Variants in ROBO1 observed in about 807,000 individuals in gnomAD.
The protein encoded by ROBO1 is roundabout guidance receptor 1.
Under a neutral mutation model 195.9 loss-of-function variants are expected in ROBO1, and 149 were observed. The ratio of observed to expected loss-of-function variants is 0.76; its 90% CI spans 0.67 to 0.87. ROBO1 has a LOEUF of 0.87. Ranked by LOEUF, ROBO1 falls within the 40% of genes least tolerant of loss-of-function variation. The pLI, the probability that ROBO1 is intolerant of heterozygous loss-of-function variation, is 0.00. For missense variants in ROBO1, 1,933 were observed against 2,068.3 expected (o/e 0.93, Z 1.27); for synonymous variants, 816 against 733.2 (o/e 1.11, Z -1.82).
intron 2 of ROBO1, among the ~76,000 whole-genome samples, chr3:79,254,377 G>C (rs1379088330): frequency 2.0e-5 from 3 of 151,480 alleles, no homozygotes; most frequent in Non-Finnish European, 4.4e-5. Flanking sequence ...TTAGTGTTTT[G>C]GGTACTTCTC....
chr3:79,064,261 A>T (rs1015867627), intron 3 of ROBO1, among the ~76,000 whole-genome samples: 1 of 151,952 alleles, frequency 6.6e-6, no homozygotes, highest in South Asian at 2.1e-4. Flanking sequence ...TCTGAAAAAA[A>T]TAGCAACTTT....
At chr3:79,560,230 G>T (rs1942860732) in intron 2 of ROBO1, among the ~76,000 whole-genome samples, 1 of 151,604 alleles carries the variant, frequency 6.6e-6, no homozygotes, top group Admixed American at 6.6e-5. Context: ...CATGTCCTTT[G>T]TAGGGACATG....
At chr3:79,374,146 G>A (rs2036298993) in intron 2 of ROBO1, among the ~76,000 whole-genome samples, 1 of 152,156 alleles carries the variant, frequency 6.6e-6, no homozygotes, top group Admixed American at 6.5e-5. Context: ...AACCTCTTAA[G>A]AGTGAAATTC....
intron 3 of ROBO1, among the ~76,000 whole-genome samples, chr3:78,951,278 T>A (rs1042631452): frequency 6.6e-6 from 1 of 151,726 alleles, no homozygotes; most frequent in Non-Finnish European, 1.5e-5. Context: ...TAATATTATA[T>A]ATTTACATAC....
At chr3:79,580,836 C>T (rs1943638071) in intron 2 of ROBO1, among the ~76,000 whole-genome samples, 1 of 152,042 alleles carries the variant, frequency 6.6e-6, no homozygotes, top group African/African-American at 2.4e-5. Context: ...TTTCAAGGCC[C>T]ATACATTCAA....
At chr3:78,908,365 A>G (rs2038052385) in intron 4 of ROBO1, among the ~76,000 whole-genome samples, 1 of 151,926 alleles carries the variant, frequency 6.6e-6, no homozygotes, top group African/African-American at 2.4e-5. Flanking sequence ...TCCAAAACTA[A>G]GGAACTGCTA....
chr3:78,983,605 G>A (rs2077044280), intron 3 of ROBO1, among the ~76,000 whole-genome samples: 1 of 152,170 alleles, frequency 6.6e-6, no homozygotes, highest in African/African-American at 2.4e-5. Flanking sequence ...CTCTATTTCA[G>A]AGGCTGAATC....
intron 1 of ROBO1, among the ~76,000 whole-genome samples, chr3:79,757,043 G>T (rs12632146): frequency 0.73 from 109,889 of 151,538 alleles, 41,226 homozygotes; most frequent in Middle Eastern, 0.85. Context: ...ATAGATCATT[G>T]TTTGTTTATT....
In ROBO1 at chr3:79,746,933, G is replaced by A. The variant is rs933848120; in HGVS notation, c.-51+20819C>T. Among the ~76,000 whole-genome samples, 10 of 151,964 alleles carry A rather than the reference G, an allele frequency of 6.6e-5. 1 individual carries two copies. Among genetic ancestry groups the A allele is most frequent in the Non-Finnish European group, 8.8e-5 (6 of 67,900 alleles). ...TCAATATCATTTTCTTTGTAAAAAAGCATTATTTCAGGTGATCAGTTATAC... is the reference window on the plus strand; with the variant it reads ...TCAATATCATTTTCTTTGTAAAAAAACATTATTTCAGGTGATCAGTTATAC... On this transcript the variant is annotated intron_variant, in intron 1 of 30. Coordinates refer to ENST00000464233, the MANE Select transcript of ROBO1 (RefSeq NM_002941.4).
At chr3:78,941,088 T>C (rs2040110361) in intron 3 of ROBO1, among the ~76,000 whole-genome samples, 2 of 152,238 alleles carry the variant, frequency 1.3e-5, no homozygotes, top group African/African-American at 4.8e-5. Context: ...ATGTTTTTCT[T>C]AGTGAAATAT....
intron 8 of ROBO1, 107 bp downstream of exon 8, chr3:78,714,290 C>A: frequency 8.9e-7 from 1 of 1,128,602 alleles, no homozygotes; most frequent in Non-Finnish European, 1.2e-6. Context: ...TAGAGCAATA[C>A]TTAAAGTCTA....
At chr3:79,765,359 C>T (rs1217503850) in intron 1 of ROBO1, among the ~76,000 whole-genome samples, 1 of 152,248 alleles carries the variant, frequency 6.6e-6, no homozygotes, top group South Asian at 2.1e-4. Context: ...ATATCTGCTC[C>T]GAGCTGCTGC....
At chr3:79,344,963 C>G (rs1400522820) in intron 2 of ROBO1, among the ~76,000 whole-genome samples, 1 of 152,124 alleles carries the variant, frequency 6.6e-6, no homozygotes, top group Non-Finnish European at 1.5e-5. Context: ...ACTGCTTCCC[C>G]TTCCACCATG....
intron 2 of ROBO1, among the ~76,000 whole-genome samples, chr3:79,126,306 T>TA (rs1231166901): frequency 7.2e-5 from 11 of 152,328 alleles, no homozygotes; most frequent in Middle Eastern, 6.8e-3. Context: ...TTTTCTTAAA[T>TA]AAAAAATGCA....
At chr3:79,333,613 C>T (rs771133596) in intron 2 of ROBO1, among the ~76,000 whole-genome samples, 12 of 152,156 alleles carry the variant, frequency 7.9e-5, no homozygotes, top group Non-Finnish European at 7.4e-5. Flanking sequence ...CTCTTCCTTG[C>T]TCATTCCATC....
chr3:78,709,158 G>A (rs572642087), intron 8 of ROBO1, among the ~76,000 whole-genome samples: 4 of 152,248 alleles, frequency 2.6e-5, no homozygotes, highest in Non-Finnish European at 5.9e-5. Flanking sequence ...GTAATGTGAG[G>A]TTCAGGTTTA....
chr3:79,720,217 T>C (rs1394155257), intron 1 of ROBO1, among the ~76,000 whole-genome samples: 2 of 152,200 alleles, frequency 1.3e-5, no homozygotes, highest in Admixed American at 6.5e-5. Flanking sequence ...ATAAGAAGTT[T>C]TGCAGCTTCT....
rs901400977 is a variant in ROBO1, at chr3:79,121,395, A to C, written c.172+4061T>G. ...GTTTTGGGATTGGATTCAAGTTTATATGGGCAAACATACTCATTTGTCAAT... is the reference window on the plus strand; with the variant it reads ...GTTTTGGGATTGGATTCAAGTTTATCTGGGCAAACATACTCATTTGTCAAT... On this transcript the variant is annotated intron_variant, in intron 3 of 30. Transcript: ENST00000464233. Among the ~76,000 whole-genome samples the C allele has an allele frequency of 4.6e-5, 7 of 152,100 alleles. No individual in the cohort carries two copies. In the South Asian group the frequency reaches 1.0e-3, roughly 22 times the overall value.
chr3:78,773,090 G>A (rs1203726883), intron 4 of ROBO1, among the ~76,000 whole-genome samples: 2 of 151,996 alleles, frequency 1.3e-5, no homozygotes, highest in East Asian at 1.9e-4. Context: ...GAATACTAAC[G>A]TTAAAAATTA....
Sources: allele counts gnomAD v4.1 joint callset (sites outside exome capture counted in the v4.1 genomes callset), GRCh38; gene constraint gnomAD v4.1.1; transcripts MANE v1.5; gene names NCBI Gene and HGNC (gene_info 2026-07-23, HGNC 2026-07-21).